The following AGBL4 variants were observed in gnomAD, a reference collection of about 807,000 sequenced individuals.
AGBL4 encodes the protein cytosolic carboxypeptidase 6.
In AGBL4, 58 loss-of-function variants were observed where a neutral mutation model predicts 66.4. The observed-to-expected ratio is 0.87, with a 90% CI of 0.71 to 1.09. AGBL4 has a LOEUF of 1.09. Among genes scored for constraint, AGBL4 ranks in the 50% least tolerant of loss-of-function variants. The probability of loss-of-function intolerance (pLI) is 0.00; values close to 1 mark genes in which losing one functional copy is unlikely to be tolerated. For missense variants in AGBL4, 579 were observed against 631.0 expected, an observed-to-expected ratio of 0.92 and a Z score of 0.88; for synonymous variants, 234 against 222.9, an observed-to-expected ratio of 1.05 and a Z score of -0.44.
chr1:49,250,826 G>A (rs1264228751), intron 3 of AGBL4, among the ~76,000 whole-genome samples: 1 of 152,126 alleles, frequency 6.6e-6, no homozygotes, highest in African/African-American at 2.4e-5. Flanking sequence ...GGCAGGAGGA[G>A]AACCCTTGAC....
intron 3 of AGBL4, among the ~76,000 whole-genome samples, chr1:49,489,455 T>C (rs1355885274): frequency 6.6e-6 from 1 of 151,952 alleles, no homozygotes. Flanking sequence ...GATGAATAGT[T>C]TGCACATATT....
At chr1:48,957,720 T>A (rs764338578) in intron 5 of AGBL4, among the ~76,000 whole-genome samples, 2 of 152,202 alleles carry the variant, frequency 1.3e-5, no homozygotes, top group Non-Finnish European at 2.9e-5. Flanking sequence ...ATGTTCTGAA[T>A]TAGCTCTGGC....
At chr1:49,991,327 G>A (rs202030805) in intron 1 of AGBL4, among the ~76,000 whole-genome samples, 78 of 151,986 alleles carry the variant, frequency 5.1e-4, no homozygotes, top group South Asian at 1.0e-3. Flanking sequence ...TAAAAAACAC[G>A]TATATAATTA....
chr1:49,146,342 G>A (rs569504845), intron 4 of AGBL4, among the ~76,000 whole-genome samples: 1 of 152,106 alleles, frequency 6.6e-6, no homozygotes, highest in African/African-American at 2.4e-5. Flanking sequence ...TTGCATGCTT[G>A]TACCAAAATA....
intron 4 of AGBL4, among the ~76,000 whole-genome samples, chr1:49,186,365 A>T (rs1301485466): frequency 6.6e-6 from 1 of 152,186 alleles, no homozygotes; most frequent in Non-Finnish European, 1.5e-5. Flanking sequence ...AAATGTGGTT[A>T]AAAATATGAA....
intron 5 of AGBL4, among the ~76,000 whole-genome samples, chr1:48,899,412 AAGTT>A (rs1478619848): frequency 8.3e-6 from 1 of 120,768 alleles, no homozygotes; most frequent in Non-Finnish European, 1.7e-5. Context: ...CTCAAACAAT[AAGTT>A]AATAGTTTTT....
intron 5 of AGBL4, among the ~76,000 whole-genome samples, chr1:48,940,273 G>A (rs1655854948): frequency 6.6e-6 from 1 of 152,124 alleles, no homozygotes; most frequent in South Asian, 2.1e-4. Flanking sequence ...AGCTACTCAG[G>A]AGGCTGAGGC....
intron 5 of AGBL4, among the ~76,000 whole-genome samples, chr1:48,890,555 C>G (rs1029292173): frequency 2.6e-5 from 4 of 152,164 alleles, no homozygotes; most frequent in African/African-American, 7.2e-5. Flanking sequence ...CAGTCAGAAG[C>G]TCCTTGGAGT....
chr1:48,927,713 T>G (rs980486789), intron 5 of AGBL4, among the ~76,000 whole-genome samples: 14 of 152,180 alleles, frequency 9.2e-5, no homozygotes, highest in Non-Finnish European at 1.3e-4. Context: ...AGCACTGTGT[T>G]GGGTACTTTC....
At chr1:48,776,058 G>A (rs781594867) in intron 6 of AGBL4, among the ~76,000 whole-genome samples, 13 of 152,170 alleles carry the variant, frequency 8.5e-5, no homozygotes, top group African/African-American at 1.9e-4. Flanking sequence ...ATGTTGGCCC[G>A]GATGGGACAA....
At chr1:49,381,102 A>G (rs1001306252) in intron 3 of AGBL4, among the ~76,000 whole-genome samples, 2 of 152,188 alleles carry the variant, frequency 1.3e-5, no homozygotes, top group African/African-American at 2.4e-5. Flanking sequence ...CTCATCTGAC[A>G]AAGGGCTAAT....
intron 6 of AGBL4, among the ~76,000 whole-genome samples, chr1:48,760,185 C>T (rs977312675): frequency 6.6e-6 from 1 of 152,168 alleles, no homozygotes; most frequent in African/African-American, 2.4e-5. Flanking sequence ...GGACCCCCTC[C>T]AGAGCTTGGG....
chr1:48,772,299 G>C (rs1318103304), intron 6 of AGBL4, among the ~76,000 whole-genome samples: 1 of 152,236 alleles, frequency 6.6e-6, no homozygotes, highest in Non-Finnish European at 1.5e-5. Flanking sequence ...GGGAGGAATA[G>C]GGACTACCAC....
At chr1:49,745,807 C>T (rs1480106013) in intron 2 of AGBL4, among the ~76,000 whole-genome samples, 2 of 151,478 alleles carry the variant, frequency 1.3e-5, no homozygotes. Context: ...CAATATGTTG[C>T]CTATAATAAT....
chr1:49,060,488 T>C (rs143167886), intron 4 of AGBL4, among the ~76,000 whole-genome samples: 1 of 151,798 alleles, frequency 6.6e-6, no homozygotes, highest in Non-Finnish European at 1.5e-5. Flanking sequence ...TAAGCAGGAG[T>C]ATTCATTGTC....
At chr1:48,598,995 T>A (rs1338057269) in intron 9 of AGBL4, among the ~76,000 whole-genome samples, 27 of 152,312 alleles carry the variant, frequency 1.8e-4, no homozygotes, top group East Asian at 1.9e-4. Flanking sequence ...TGGGTTTTTT[T>A]AATTTTTAAA....
rs544460557 is a variant in AGBL4, at chr1:48,758,818, C to T, written c.635-95577G>A. The stretch of plus-strand genomic sequence containing the variant: ...TAGCCTCAGGGCACTTGGTCTCCCT[C>T]TCCCCTTTCCCTTCCTGGAAGAGGA... On this transcript the variant is annotated intron_variant, in intron 6 of 13. Transcript: ENST00000371839. 3.1e-4 allele frequency: 406 copies of T among 1,306,700 alleles called. 5 individuals carry two copies. The South Asian group carries it at 5.9e-3, about 19-fold the overall frequency. The allele number at this position is 1,306,700 out of a possible 1,614,324, so 80.9% of individuals were successfully genotyped here.
In AGBL4 at chr1:48,982,438, A is replaced by G. The variant is rs532474619; in HGVS notation, c.594+63146T>C. ...TCAATTCCCACCTATGAGTGAGAACATGAGGTGTTTGGTTTTTTTGTCCTT... is the reference window on the plus strand; with the variant it reads ...TCAATTCCCACCTATGAGTGAGAACGTGAGGTGTTTGGTTTTTTTGTCCTT... On this transcript the variant is annotated intron_variant, in intron 5 of 13. Transcript: ENST00000371839. 2.6e-5 allele frequency among the ~76,000 whole-genome samples: 4 copies of G among 151,954 alleles called. No individual in the cohort carries two copies. In the East Asian group the frequency reaches 7.8e-4, roughly 30 times the overall value.
At chr1:49,525,815 CAG>C (rs1650611534) in intron 3 of AGBL4, among the ~76,000 whole-genome samples, 1 of 151,958 alleles carries the variant, frequency 6.6e-6, no homozygotes, top group African/African-American at 2.4e-5. Flanking sequence ...GCACCGGGCA[CAG>C]TGGCTCACGC....
Sources: gnomAD v4.1 joint callset for allele counts (sites outside exome capture counted in the v4.1 genomes callset) on GRCh38, gnomAD v4.1.1 for gene constraint, MANE v1.5 for transcripts, NCBI Gene and HGNC (gene_info 2026-07-23, HGNC 2026-07-21) for gene names.